The following BICRAL variants were observed in gnomAD, a reference collection of about 807,000 sequenced individuals.
BICRAL encodes BRD4-interacting chromatin-remodeling complex-associated protein-like.
BICRAL carries 8 observed loss-of-function variants against 91.8 expected under a neutral mutation model. That is an observed-to-expected ratio of 0.09 (90% CI 0.05 to 0.16). The LOEUF (loss-of-function observed/expected upper bound fraction) is 0.16, where lower values mean the gene tolerates loss of function less well. Ranked by LOEUF, BICRAL falls within the 10% of genes least tolerant of loss-of-function variation. The probability of loss-of-function intolerance (pLI) is 1.00; values close to 1 mark genes in which losing one functional copy is unlikely to be tolerated. For synonymous variants in BICRAL, 445 were observed against 491.1 expected (o/e 0.91, Z 1.24); for missense variants, 1,038 against 1,310.9 (o/e 0.79, Z 3.21).
intron 1 of BICRAL, among the ~76,000 whole-genome samples, chr6:42,790,329 AATTTTTT>A (rs1763232504): frequency 7.7e-6 from 1 of 130,244 alleles, no homozygotes. Flanking sequence ...CAGATAATTT[AATTTTTT>A]TTTTTTTTTT....
chr6:42,866,163 T>C lies in BICRAL; in HGVS notation c.*717T>C, dbSNP rs1443930124. 1 of 152,454 alleles carries C rather than the reference T, an allele frequency of 6.6e-6. No homozygotes were observed. The highest frequency in any genetic ancestry group is 1.9e-4 in the East Asian group (1 of 5,196). The allele number at this position is 152,454 out of a possible 1,614,324, so 9.4% of individuals were successfully genotyped here. A position where few individuals can be genotyped will look rare whatever the true frequency, so the allele number is the denominator to read the frequency against. On this transcript the variant is annotated 3_prime_UTR_variant, in exon 13 of 13. Transcript: ENST00000314073. The stretch of plus-strand genomic sequence containing the variant: ...CCTCATGCTTTTAGGCATATCTATG[T>C]TGAATTTCACCTAGGGAATGTTCTG...
intron 6 of BICRAL, among the ~76,000 whole-genome samples, chr6:42,841,181 A>ATTTTTTTTTTTTTTTTTTTT (rs1764785447): frequency 7.4e-6 from 1 of 134,422 alleles, no homozygotes; most frequent in African/African-American, 2.9e-5. Context: ...TCACTCTTGA[A>ATTTTTTTTTTTTTTTTTTTT]TATTTTTTTT....
At chr6:42,833,076 G>C (rs1428779323) in intron 6 of BICRAL, among the ~76,000 whole-genome samples, 1 of 146,758 alleles carries the variant, frequency 6.8e-6, no homozygotes, top group Non-Finnish European at 1.5e-5. Flanking sequence ...TTTTTTTTGA[G>C]ATGGAGTCTC....
rs1449299803 is a variant in BICRAL at position 42,763,780 on chromosome 6, C to T, written c.-261+16757C>T. ...AGGTTGCAGTGAGCCAAGATTACAC[C>T]ACTGCACTCCAGCCTGAGCAACAGA... On this transcript the variant is annotated intron_variant, in intron 1 of 14. Transcript: ENST00000614467. Among the ~76,000 whole-genome samples the T allele has an allele frequency of 2.6e-5, 4 of 151,666 alleles. No individual in the cohort carries two copies. In the East Asian group the frequency reaches 7.7e-4, roughly 29 times the overall value.
In BICRAL at chr6:42,828,860, C is replaced by T. The variant is rs780885776; in HGVS notation, c.527C>T (p.Ser176Leu). 9 of 1,614,170 alleles carry T rather than the reference C, an allele frequency of 5.6e-6. No individual in the cohort carries two copies. Among genetic ancestry groups the T allele is most frequent in the South Asian group, 1.1e-5 (1 of 91,088 alleles). The change falls in exon 6 of 13, where the codon TCG becomes TTG. Residue 176 changes from serine (S) to leucine (L), a missense_variant. Physicochemically the swap from Ser to Leu is moderately radical, Grantham distance 145. Transcript: ENST00000314073. ...GTGACGCATGTGCCTGTTGGAGCAT[C>T]GTTTGCAAGCAATACAGTGGGTGTA... ...IGVTHVPVGA[S>L]FASNTVGVQH...
chr6:42,787,130 T>C (rs1279095342), intron 1 of BICRAL, among the ~76,000 whole-genome samples: 2 of 152,158 alleles, frequency 1.3e-5, no homozygotes, highest in African/African-American at 4.8e-5. Context: ...ACAGCAACTT[T>C]TACATATGTA....
chr6:42,807,478 C>T lies in BICRAL; in HGVS notation c.-101-2828C>T, dbSNP rs562285453. Among the ~76,000 whole-genome samples the T allele has an allele frequency of 1.5e-4, 23 of 152,098 alleles. No homozygotes were observed. The South Asian group carries it at 4.4e-3, about 29-fold the overall frequency. ...GATTACAGGCATGAGCTACCACACCCGGCCTTCATATTATTTTGAAGCAAA... is the reference window on the plus strand; with the variant it reads ...GATTACAGGCATGAGCTACCACACCTGGCCTTCATATTATTTTGAAGCAAA... On this transcript the variant is annotated intron_variant, in intron 1 of 12. Coordinates refer to ENST00000314073, the MANE Select transcript of BICRAL (RefSeq NM_001393499.1).
At chr6:42,836,038 G>A (rs1764629393) in intron 6 of BICRAL, among the ~76,000 whole-genome samples, 1 of 152,184 alleles carries the variant, frequency 6.6e-6, no homozygotes, top group South Asian at 2.1e-4. Context: ...CCAACCTCCA[G>A]TTTCCTTCCA....
chr6:42,799,442 G>A (rs189305587), intron 1 of BICRAL, among the ~76,000 whole-genome samples: 34 of 151,946 alleles, frequency 2.2e-4, no homozygotes, highest in Admixed American at 1.3e-4. Context: ...CTACAGGCAC[G>A]TGCCACCACG....
At chr6:42,802,552 G>A (rs998871428) in intron 1 of BICRAL, among the ~76,000 whole-genome samples, 6 of 151,904 alleles carry the variant, frequency 3.9e-5, no homozygotes, top group African/African-American at 1.5e-4. Flanking sequence ...GGGTTCAAGC[G>A]ATTCTCCTGC....
chr6:42,792,746 C>G (rs1763308444), intron 1 of BICRAL, among the ~76,000 whole-genome samples: 1 of 151,844 alleles, frequency 6.6e-6, no homozygotes, highest in African/African-American at 2.4e-5. Context: ...AACCCCATCT[C>G]TACTAAAAAT....
chr6:42,817,335 G>A (rs911807996), intron 2 of BICRAL, among the ~76,000 whole-genome samples: 22 of 151,972 alleles, frequency 1.4e-4, no homozygotes, highest in African/African-American at 4.8e-4. Flanking sequence ...CACTATGTAG[G>A]TAAACCATAA....
chr6:42,747,805 G>GTTTTTTTTTTTTTTTTTTTT (rs56209754), intron 1 of BICRAL, among the ~76,000 whole-genome samples: 8 of 125,306 alleles, frequency 6.4e-5, no homozygotes, highest in Non-Finnish European at 1.0e-4. Context: ...GTTTTATTTT[G>GTTTTTTTTTTTTTTTTTTTT]TTTTTTTTTT....
intron 1 of BICRAL, among the ~76,000 whole-genome samples, chr6:42,749,747 C>T (rs991437026): frequency 1.3e-5 from 2 of 151,992 alleles, no homozygotes; most frequent in African/African-American, 4.8e-5. Flanking sequence ...GCCCTAGTCA[C>T]TTCCCCACCT....
intron 9 of BICRAL, among the ~76,000 whole-genome samples, chr6:42,856,300 G>C (rs1315824062): frequency 6.7e-6 from 1 of 149,272 alleles, no homozygotes; most frequent in East Asian, 2.0e-4. Context: ...CTGGGTGACA[G>C]AGCAAGACCC....
chr6:42,755,671 C>CA (rs1554273603), intron 1 of BICRAL, among the ~76,000 whole-genome samples: 2 of 140,648 alleles, frequency 1.4e-5, no homozygotes, highest in Admixed American at 1.4e-4. Flanking sequence ...TCACCTCTTT[C>CA]TTTTTTTTTT....
intron 1 of BICRAL, among the ~76,000 whole-genome samples, chr6:42,760,737 A>G (rs866288395): frequency 1.3e-5 from 2 of 152,134 alleles, no homozygotes; most frequent in Admixed American, 6.5e-5. Context: ...CAAAAGGTAC[A>G]TAAGACCAGG....
rs367851902 is a variant in BICRAL at position 42,864,807 on chromosome 6, C to T, written c.2601C>T (p.Thr867=). 55 of 1,614,178 alleles carry T rather than the reference C, an allele frequency of 3.4e-5. No homozygotes were observed. The African/African-American group carries it at 6.0e-4, about 18-fold the overall frequency. The change falls in exon 13 of 13, where the codon ACC becomes ACT. Residue 867 remains threonine, a synonymous_variant. Transcript: ENST00000314073. ...CCCAAGGCAGAGACCGAGCCAAAAC[C>T]GGTGTGACGGAACCCATGAATCATG... The part of the protein sequence containing the change: ...AKAQGRDRAK[T]GVTEPMNHDQ...
chr6:42,863,902 G>A (rs935946080), intron 12 of BICRAL, among the ~76,000 whole-genome samples: 11 of 152,112 alleles, frequency 7.2e-5, no homozygotes, highest in African/African-American at 1.9e-4. Flanking sequence ...GGTGGGTCAC[G>A]CCTGTAATCT....
Sources: gnomAD v4.1 joint callset for allele counts (sites outside exome capture counted in the v4.1 genomes callset) on GRCh38, gnomAD v4.1.1 for gene constraint, MANE v1.5 for transcripts, NCBI Gene and HGNC (gene_info 2026-07-23, HGNC 2026-07-21) for gene names.